Variants in KCNQ5 observed in about 807,000 individuals in gnomAD.
KCNQ5 encodes the protein potassium voltage-gated channel subfamily Q member 5, also known as potassium voltage-gated channel subfamily KQT member 5.
Under a neutral mutation model 98.2 loss-of-function variants are expected in KCNQ5, and 30 were observed. The ratio of observed to expected loss-of-function variants is 0.31; its 90% confidence interval spans 0.23 to 0.41. The LOEUF is 0.41. KCNQ5 is among the 10% of genes least tolerant of loss of function. KCNQ5 has a pLI of 1.00. For missense variants in KCNQ5, 835 were observed against 1,182.5 expected (o/e 0.71, Z 4.31); for synonymous variants, 458 against 449.4 (o/e 1.02, Z -0.24).
chr6:72,904,242 T>C (rs534487932), intron 1 of KCNQ5, among the ~76,000 whole-genome samples: 7 of 152,302 alleles, frequency 4.6e-5, no homozygotes, highest in South Asian at 4.1e-4. Context: ...AGTTTAATGG[T>C]ACTTATGTGT....
At chr6:72,769,093 C>T (rs1772728649) in intron 1 of KCNQ5, among the ~76,000 whole-genome samples, 1 of 152,034 alleles carries the variant, frequency 6.6e-6, no homozygotes, top group Non-Finnish European at 1.5e-5. Context: ...TTTCCTATTT[C>T]CACGTATGCA....
At position 72,962,202 on chromosome 6, in the gene KCNQ5, C is replaced by CAT. The variant is rs202160601; in HGVS notation, c.399-41692_399-41691dup. On this transcript the variant is annotated intron_variant, in intron 1 of 13. Coordinates refer to ENST00000370398, the MANE Select transcript of KCNQ5 (RefSeq NM_019842.4). ...CTCTAAATATATATATATATATATA[C>CAT]ATATATATATATATACACACATATA... 6.9e-3 allele frequency among the ~76,000 whole-genome samples: 388 copies of CAT among 56,524 alleles called. 1 individual carries two copies. Among genetic ancestry groups the CAT allele is most frequent in the East Asian group, 0.037 (76 of 2,036 alleles). The allele number at this position is 56,524 out of a possible 152,430, so 37.1% of individuals were successfully genotyped here. A position where few individuals can be genotyped will look rare whatever the true frequency, so the allele number is the denominator to read the frequency against.
chr6:73,079,334 T>C (rs760011798), intron 5 of KCNQ5, among the ~76,000 whole-genome samples: 1 of 152,202 alleles, frequency 6.6e-6, no homozygotes, highest in African/African-American at 2.4e-5. Context: ...GAGTTCTAGA[T>C]TGTTGCCAAA....
chr6:72,706,446 A>T (rs189026553), intron 1 of KCNQ5, among the ~76,000 whole-genome samples: 21 of 152,150 alleles, frequency 1.4e-4, no homozygotes, highest in African/African-American at 4.8e-4. Context: ...ATATGTTCAT[A>T]TATATGCATA....
At chr6:73,173,342 A>C (rs1778082244) in intron 11 of KCNQ5, among the ~76,000 whole-genome samples, 1 of 152,232 alleles carries the variant, frequency 6.6e-6, no homozygotes, top group South Asian at 2.1e-4. Context: ...CCACTCATAG[A>C]AATTAGTTCC....
At chr6:72,995,859 T>A (rs1210491417) in intron 1 of KCNQ5, among the ~76,000 whole-genome samples, 1 of 152,026 alleles carries the variant, frequency 6.6e-6, no homozygotes, top group African/African-American at 2.4e-5. Flanking sequence ...TTAGTTCTTT[T>A]AAAAAAAATG....
chr6:73,169,707 G>A (rs770633045), intron 10 of KCNQ5, 39 bp from the exon 11 acceptor site: 38 of 1,385,146 alleles, frequency 2.7e-5, no homozygotes, highest in Middle Eastern at 1.8e-4. Context: ...TTCAAATTGC[G>A]GATGGTGGTG....
intron 1 of KCNQ5, among the ~76,000 whole-genome samples, chr6:72,677,430 C>T (rs1005073313): frequency 1.3e-5 from 2 of 152,292 alleles, no homozygotes; most frequent in South Asian, 2.1e-4. Context: ...ATTATCATCA[C>T]AGTTGGCCAT....
chr6:72,823,237 T>C (rs984338822), intron 1 of KCNQ5, among the ~76,000 whole-genome samples: 8 of 152,172 alleles, frequency 5.3e-5, no homozygotes, highest in Non-Finnish European at 8.8e-5. Flanking sequence ...ACAAGAAAGT[T>C]GTTTTTTAAG....
At chr6:73,116,413 C>T (rs2150433909) in intron 7 of KCNQ5, among the ~76,000 whole-genome samples, 1 of 152,222 alleles carries the variant, frequency 6.6e-6, no homozygotes, top group South Asian at 2.1e-4. Context: ...TGCCTGCAAC[C>T]CCCGCACTTT....
At chr6:72,805,321 G>A (rs571378877) in intron 1 of KCNQ5, among the ~76,000 whole-genome samples, 10 of 152,078 alleles carry the variant, frequency 6.6e-5, no homozygotes, top group African/African-American at 2.4e-4. Context: ...AGCGTTTAAC[G>A]GATTCTGATT....
At chr6:72,866,614 A>G (rs746476422) in intron 1 of KCNQ5, among the ~76,000 whole-genome samples, 3 of 152,182 alleles carry the variant, frequency 2.0e-5, no homozygotes, top group Non-Finnish European at 4.4e-5. Flanking sequence ...AACAAGCTAA[A>G]AGAGATGATA....
chr6:73,157,406 CG>C (rs973428723), intron 10 of KCNQ5: 1 of 595,066 alleles, frequency 1.7e-6, no homozygotes, highest in African/African-American at 1.9e-5. Context: ...TGGGGGGCAG[CG>C]GCAGCTCTGC....
intron 1 of KCNQ5, among the ~76,000 whole-genome samples, chr6:72,885,867 G>A (rs983018758): frequency 2.0e-5 from 3 of 152,302 alleles, no homozygotes; most frequent in South Asian, 2.1e-4. Flanking sequence ...CTCAGAAAGG[G>A]AGAGACTAAA....
intron 9 of KCNQ5, among the ~76,000 whole-genome samples, chr6:73,132,385 TA>T (rs770488366): frequency 6.6e-5 from 10 of 151,938 alleles, no homozygotes; most frequent in Non-Finnish European, 1.5e-4. Context: ...ATAATTTCAC[TA>T]TAAAGGAAAC....
At chr6:72,723,827 C>T (rs1040448759) in intron 1 of KCNQ5, among the ~76,000 whole-genome samples, 1 of 151,962 alleles carries the variant, frequency 6.6e-6, no homozygotes, top group African/African-American at 2.4e-5. Flanking sequence ...TCATCATTAC[C>T]TTCCCTTTAC....
rs76479575 is a variant in KCNQ5, at chr6:73,094,342, C to G, written c.919-10915C>G. Reference sequence around the variant, plus strand: ...TCAGCAGGTAGTTGGTTGGTGAATTCTTATCAATTCTACAATTCTATATCT... The same window carrying G: ...TCAGCAGGTAGTTGGTTGGTGAATTGTTATCAATTCTACAATTCTATATCT... On this transcript the variant is annotated intron_variant, in intron 5 of 13. Coordinates refer to ENST00000370398, the MANE Select transcript of KCNQ5 (RefSeq NM_019842.4). Among the ~76,000 whole-genome samples, 999 of 152,194 alleles carry G rather than the reference C, an allele frequency of 6.6e-3. 9 individuals carry two copies. Among genetic ancestry groups the G allele is most frequent in the African/African-American group, 0.023 (940 of 41,516 alleles).
intron 8 of KCNQ5, 29 bp from the exon 9 acceptor site, chr6:73,124,457 A>G: frequency 6.2e-7 from 1 of 1,611,938 alleles, no homozygotes; most frequent in Non-Finnish European, 8.5e-7. Context: ...GTTTATCATC[A>G]TTTCTCTTCT....
chr6:72,642,096 T>G (rs1328817351), intron 1 of KCNQ5, among the ~76,000 whole-genome samples: 1 of 150,622 alleles, frequency 6.6e-6, no homozygotes, highest in African/African-American at 2.5e-5. Flanking sequence ...TTAATTCCCC[T>G]TGTTATTATA....
Sources: allele counts gnomAD v4.1 joint callset (sites outside exome capture counted in the v4.1 genomes callset), GRCh38; gene constraint gnomAD v4.1.1; transcripts MANE v1.5; gene names NCBI Gene and HGNC (gene_info 2026-07-23, HGNC 2026-07-21).